Variants in NEBL observed in about 807,000 individuals in gnomAD.
NEBL encodes nebulette, also known as LIM and SH3 protein 2.
In NEBL, 122 loss-of-function variants were observed where a neutral mutation model predicts 140.2. The ratio of observed to expected loss-of-function variants is 0.87; its 90% CI spans 0.75 to 1.01. The LOEUF (loss-of-function observed/expected upper bound fraction) is 1.01. Ranked by LOEUF, NEBL falls within the 50% of genes least tolerant of loss-of-function variation. The probability of loss-of-function intolerance (pLI) is 0.00; values close to 1 mark genes in which losing one functional copy is unlikely to be tolerated. For synonymous variants in NEBL, 436 were observed against 398.9 expected (o/e 1.09, Z -1.11); for missense variants, 1,365 against 1,231.3 (o/e 1.11, Z -1.62).
At chr10:20,789,501 A>G (rs936137452) in intron 26 of NEBL, among the ~76,000 whole-genome samples, 4 of 152,204 alleles carry the variant, frequency 2.6e-5, no homozygotes, top group Admixed American at 2.0e-4. Context: ...GTGCCTGTTA[A>G]GTGCTGACAA....
chr10:21,008,020 C>A (rs574115302), intron 3 of NEBL, among the ~76,000 whole-genome samples: 2 of 152,232 alleles, frequency 1.3e-5, no homozygotes, highest in South Asian at 4.1e-4. Flanking sequence ...CATACTTAGC[C>A]ATTCATAACA....
Position 20,859,817 on chromosome 10 carries a change from TG to T in NEBL, c.693del (p.Tyr231Ter). 10 of 1,485,070 alleles carry T rather than the reference TG, an allele frequency of 6.7e-6. No homozygotes were observed. Among genetic ancestry groups the T allele is most frequent in the Non-Finnish European group, 9.4e-6 (10 of 1,065,714 alleles). The allele number at this position is 1,485,070 out of a possible 1,614,324, so 92.0% of individuals were successfully genotyped here. A position where few individuals can be genotyped will look rare whatever the true frequency, so the allele number is the denominator to read the frequency against. On this transcript the variant is annotated frameshift_variant, in exon 8 of 28. Transcript: ENST00000377122. LOFTEE classifies it high-confidence loss of function. ...TTCATTTCATTATCAAATTTTTCTT[TG>T]TATTTAATCTGTCATAAAAGAGAAA... ...EASKLSSQIK[Y>X]KEKFDNEMKD...
intron 1 of NEBL, among the ~76,000 whole-genome samples, chr10:21,282,853 A>G (rs10764311): frequency 0.87 from 132,880 of 152,208 alleles, 58,378 homozygotes; most frequent in East Asian, 0.99. Context: ...GGCAGGGCGC[A>G]GTGGCTCACG....
chr10:20,876,148 A>T (rs573287046), intron 5 of NEBL, among the ~76,000 whole-genome samples: 2 of 152,364 alleles, frequency 1.3e-5, no homozygotes, highest in African/African-American at 4.8e-5. Flanking sequence ...TATAAGTAAA[A>T]GTAGGTTCTG....
chr10:20,809,402 C>G (rs972141312), intron 25 of NEBL, among the ~76,000 whole-genome samples: 7 of 152,114 alleles, frequency 4.6e-5, no homozygotes, highest in Non-Finnish European at 8.8e-5. Flanking sequence ...TTTAAGACAT[C>G]TATGATGCCC....
At chr10:21,216,925 T>C (rs1280887136) in intron 3 of NEBL, among the ~76,000 whole-genome samples, 1 of 151,630 alleles carries the variant, frequency 6.6e-6, no homozygotes, top group Non-Finnish European at 1.5e-5. Flanking sequence ...AAGGTGGAGG[T>C]TGCAGTGAGC....
At chr10:21,206,974 T>C (rs1261995136) in intron 3 of NEBL, among the ~76,000 whole-genome samples, 7 of 143,112 alleles carry the variant, frequency 4.9e-5, no homozygotes, top group Non-Finnish European at 6.1e-5. Flanking sequence ...CTTTCTTTTT[T>C]TTTTTTTTTT....
intron 2 of NEBL, among the ~76,000 whole-genome samples, chr10:21,025,136 C>G (rs1450001831): frequency 6.7e-6 from 1 of 150,210 alleles, no homozygotes; most frequent in Non-Finnish European, 1.5e-5. Context: ...AATGGATGTT[C>G]AAAGAGAATC....
chr10:20,791,639 C>T lies in NEBL; in HGVS notation c.2762-4331G>A, dbSNP rs537094001. On this transcript the variant is annotated intron_variant, in intron 26 of 27. Coordinates refer to ENST00000377122, the MANE Select transcript of NEBL (RefSeq NM_006393.3). ...CAAATTCCCAGTCTCAAGCAATTAT[C>T]TTGTCTCAGACTCCCAAAGCACTGG... 2.6e-5 allele frequency among the ~76,000 whole-genome samples: 4 copies of T among 152,106 alleles called. No homozygotes were observed. The South Asian group carries it at 8.3e-4, about 32-fold the overall frequency.
intron 2 of NEBL, among the ~76,000 whole-genome samples, chr10:21,060,925 T>A (rs1347208384): frequency 6.6e-6 from 1 of 152,116 alleles, no homozygotes; most frequent in African/African-American, 2.4e-5. Context: ...AGTGCCATGC[T>A]CCTTTGGTTC....
chr10:21,050,901 T>G (rs1834750191), intron 2 of NEBL, among the ~76,000 whole-genome samples: 2 of 152,156 alleles, frequency 1.3e-5, no homozygotes, highest in South Asian at 4.1e-4. Flanking sequence ...AAATAATGCT[T>G]CAGATTCCCT....
At position 21,045,842 on chromosome 10, in the gene NEBL, T is replaced by C. The variant is rs114378225; in HGVS notation, c.165-25641A>G. Among the ~76,000 whole-genome samples, 1,098 of 152,242 alleles carry C rather than the reference T, an allele frequency of 7.2e-3. 12 individuals carry two copies. The highest frequency in any genetic ancestry group is 0.025 in the African/African-American group (1,045 of 41,532). ...AATGTAAAATAGAATTACTATGTAATCCAGCAATCCCACTACTGGGTATAC... is the reference window on the plus strand; with the variant it reads ...AATGTAAAATAGAATTACTATGTAACCCAGCAATCCCACTACTGGGTATAC... On this transcript the variant is annotated intron_variant, in intron 2 of 6. Transcript: ENST00000417816.
intron 4 of NEBL, among the ~76,000 whole-genome samples, chr10:20,960,514 G>GCA (rs1836002564): frequency 2.0e-5 from 3 of 151,974 alleles, no homozygotes; most frequent in African/African-American, 4.8e-5. Flanking sequence ...AAAAAACAAT[G>GCA]TGTACTTTGC....
chr10:20,958,591 T>C (rs144367294), intron 4 of NEBL, among the ~76,000 whole-genome samples: 1 of 152,322 alleles, frequency 6.6e-6, no homozygotes, highest in African/African-American at 2.4e-5. Context: ...TATTAATATA[T>C]TCAATGAGAT....
chr10:20,867,374 T>A (rs1001158013), intron 7 of NEBL, among the ~76,000 whole-genome samples: 8 of 152,140 alleles, frequency 5.3e-5, no homozygotes, highest in African/African-American at 1.7e-4. Flanking sequence ...TTTACATCTC[T>A]CCACTTTGAA....
chr10:20,878,287 A>C (rs1297980079), intron 5 of NEBL, among the ~76,000 whole-genome samples: 1 of 152,204 alleles, frequency 6.6e-6, no homozygotes, highest in East Asian at 1.9e-4. Flanking sequence ...ATTTTGGTGG[A>C]AACATAAAAA....
At chr10:20,899,301 A>G, upstream of NEBL, 1 of 907,464 alleles carries the variant, frequency 1.1e-6, no homozygotes, top group Admixed American at 2.9e-5. Flanking sequence ...ACTGCCTGAG[A>G]CACACCTTTT....
chr10:20,800,715 GA>G (rs33962406), intron 26 of NEBL, among the ~76,000 whole-genome samples: 56,764 of 150,332 alleles, frequency 0.38, 10,735 homozygotes, highest in Middle Eastern at 0.48. Context: ...TGCGATATTT[GA>G]AAAAAAAAAT....
intron 23 of NEBL, chr10:20,813,726 C>A: frequency 3.6e-6 from 2 of 554,920 alleles, no homozygotes; most frequent in East Asian, 6.2e-5. Context: ...GAAATAAAGA[C>A]ACACCAGAAA....
Sources: gnomAD v4.1 joint callset for allele counts (sites outside exome capture counted in the v4.1 genomes callset) on GRCh38, gnomAD v4.1.1 for gene constraint, MANE v1.5 for transcripts, NCBI Gene and HGNC (gene_info 2026-07-23, HGNC 2026-07-21) for gene names.